STK32A: variants seen among roughly 807,000 people sequenced by gnomAD.
STK32A encodes the protein serine/threonine-protein kinase 32A.
In STK32A, 41 loss-of-function variants were observed where a neutral mutation model predicts 53.2. The ratio of observed to expected loss-of-function variants is 0.77; its 90% CI spans 0.60 to 1.00. STK32A has a LOEUF of 1.00. Ranked by LOEUF, STK32A falls within the 50% of genes least tolerant of loss-of-function variation. The pLI, the probability that STK32A is intolerant of heterozygous loss-of-function variation, is 0.00. For missense variants in STK32A, 458 were observed against 485.8 expected (o/e 0.94, Z 0.54); for synonymous variants, 166 against 162.8 (o/e 1.02, Z -0.15).
intron 7 of STK32A, among the ~76,000 whole-genome samples, chr5:147,358,164 T>C (rs1420254865): frequency 6.6e-6 from 1 of 152,084 alleles, no homozygotes; most frequent in Non-Finnish European, 1.5e-5. Context: ...GAAATCCAAA[T>C]ATTTAATAAA....
chr5:147,348,968 C>A, intron 6 of STK32A: 1 of 464,580 alleles, frequency 2.2e-6, no homozygotes, highest in Non-Finnish European at 4.0e-6. Flanking sequence ...AGTGGTAGAA[C>A]CTAGACTTGA....
chr5:147,256,919 T>C (rs1419117765), intron 2 of STK32A, among the ~76,000 whole-genome samples: 1 of 152,150 alleles, frequency 6.6e-6, no homozygotes, highest in East Asian at 1.9e-4. Context: ...TACAGGAAGG[T>C]GCAGGCGGTG....
intron 5 of STK32A, among the ~76,000 whole-genome samples, chr5:147,339,030 G>A (rs980616473): frequency 2.6e-5 from 4 of 152,198 alleles, no homozygotes; most frequent in Admixed American, 6.5e-5. Context: ...AACTGGCTGC[G>A]GAAATTTGCA....
chr5:147,397,241 T>C, the STK32A span, among the ~76,000 whole-genome samples: 1 of 150,888 alleles, frequency 6.6e-6, no homozygotes, highest in African/African-American at 2.4e-5. Context: ...AATAAAGTTT[T>C]ATTGAAAATA....
At chr5:147,291,680 T>C (rs1406026883) in intron 4 of STK32A, among the ~76,000 whole-genome samples, 1 of 152,094 alleles carries the variant, frequency 6.6e-6, no homozygotes, top group Non-Finnish European at 1.5e-5. Context: ...AGGAAATAAT[T>C]CAAGATTTAG....
At chr5:147,321,019 A>G (rs1237304771) in intron 4 of STK32A, among the ~76,000 whole-genome samples, 1 of 152,238 alleles carries the variant, frequency 6.6e-6, no homozygotes, top group Non-Finnish European at 1.5e-5. Context: ...AGACAGAGCT[A>G]TGAACAGCCT....
chr5:147,250,544 T>C (rs763516962), intron 2 of STK32A, among the ~76,000 whole-genome samples: 8 of 152,290 alleles, frequency 5.3e-5, no homozygotes, highest in Middle Eastern at 3.4e-3. Context: ...GAAAAATCTA[T>C]GGGAGTAGGC....
intron 4 of STK32A, among the ~76,000 whole-genome samples, chr5:147,306,272 CTT>C (rs1436849360): frequency 2.0e-5 from 3 of 151,966 alleles, no homozygotes; most frequent in African/African-American, 7.2e-5. Context: ...TTGTTTGACT[CTT>C]TTAACCATCT....
intron 2 of STK32A, among the ~76,000 whole-genome samples, chr5:147,261,575 T>A (rs767728547): frequency 2.0e-5 from 3 of 152,102 alleles, no homozygotes; most frequent in Non-Finnish European, 2.9e-5. Flanking sequence ...TCAAAAAAGG[T>A]TGCTTTACGA....
chr5:147,270,658 T>C (rs1746045693), intron 2 of STK32A, among the ~76,000 whole-genome samples: 1 of 152,188 alleles, frequency 6.6e-6, no homozygotes. Flanking sequence ...ATGTAAAATA[T>C]ATACAAAAGC....
In STK32A at chr5:147,238,176, C is replaced by T. The variant is rs1315613073; in HGVS notation, c.-96-1363C>T. Among the ~76,000 whole-genome samples, 4 of 152,210 alleles carry T rather than the reference C, an allele frequency of 2.6e-5. No homozygotes were observed. In the East Asian group the frequency reaches 7.7e-4, roughly 29 times the overall value. On this transcript the variant is annotated intron_variant, in intron 1 of 12. Transcript: ENST00000397936. ...AATATTATTTTGTACAAAATCTAGACCTTTACCCCATTTGGGGGATAGATC... is the reference window on the plus strand; with the variant it reads ...AATATTATTTTGTACAAAATCTAGATCTTTACCCCATTTGGGGGATAGATC...
chr5:147,289,276 T>C (rs532100714), intron 4 of STK32A, among the ~76,000 whole-genome samples: 2 of 152,218 alleles, frequency 1.3e-5, no homozygotes, highest in African/African-American at 4.8e-5. Flanking sequence ...GATTTATCTT[T>C]ACCACCCGAA....
In STK32A at chr5:147,278,144, A is replaced by G; in HGVS notation, c.73A>G (p.Ile25Val). ...NEDVNFDHFE[I>V]LRAIGKGSFG... ...TACAGTCAACTTTGACCACTTTGAA[A>G]TTTTGCGAGCCATTGGGAAAGGCAG... The change falls in exon 3 of 13, where the codon ATT becomes GTT. Residue 25 changes from isoleucine to valine, a missense_variant. Coordinates refer to ENST00000397936, the MANE Select transcript of STK32A (RefSeq NM_001112724.2). The G allele has an allele frequency of 6.3e-7, 1 of 1,598,680 alleles. No individual in the cohort carries two copies. The highest frequency in any genetic ancestry group is 8.5e-7 in the Non-Finnish European group (1 of 1,171,962).
intron 4 of STK32A, among the ~76,000 whole-genome samples, chr5:147,307,007 G>A (rs968024949): frequency 2.0e-5 from 3 of 152,006 alleles, no homozygotes; most frequent in Non-Finnish European, 4.4e-5. Context: ...GTTGAGGAGG[G>A]TAGAACAGAG....
chr5:147,336,553 T>C (rs1380323140), intron 5 of STK32A, among the ~76,000 whole-genome samples: 1 of 152,208 alleles, frequency 6.6e-6, no homozygotes, highest in African/African-American at 2.4e-5. Context: ...TATATTTCAG[T>C]AAACTTTACT....
chr5:147,335,835 G>A (rs897640815), intron 5 of STK32A, among the ~76,000 whole-genome samples: 9 of 152,208 alleles, frequency 5.9e-5, no homozygotes, highest in East Asian at 3.9e-4. Flanking sequence ...GTGTGTGCGC[G>A]CATGTGTGCA....
chr5:147,248,137 A>AAT (rs1753833874), intron 2 of STK32A, among the ~76,000 whole-genome samples: 1 of 152,044 alleles, frequency 6.6e-6, no homozygotes, highest in Non-Finnish European at 1.5e-5. Flanking sequence ...AAAAAAAAAA[A>AAT]AAAAGTGTAA....
At chr5:147,349,078 G>A (rs543804906) in intron 6 of STK32A, among the ~76,000 whole-genome samples, 2 of 152,134 alleles carry the variant, frequency 1.3e-5, no homozygotes, top group Non-Finnish European at 2.9e-5. Context: ...AACACTATGA[G>A]CAGGACCCAT....
At chr5:147,355,711 A>G (rs1756196741) in intron 7 of STK32A, among the ~76,000 whole-genome samples, 1 of 151,710 alleles carries the variant, frequency 6.6e-6, no homozygotes, top group Non-Finnish European at 1.5e-5. Context: ...AAAAAATAAA[A>G]ATAAAAATAA....
Sources: allele counts gnomAD v4.1 joint callset (sites outside exome capture counted in the v4.1 genomes callset), GRCh38; gene constraint gnomAD v4.1.1; transcripts MANE v1.5; gene names NCBI Gene and HGNC (gene_info 2026-07-23, HGNC 2026-07-21).